GNG7: variants seen among roughly 807,000 people sequenced by gnomAD.
GNG7 encodes the protein G protein subunit gamma 7, also known as guanine nucleotide-binding protein G(I)/G(S)/G(O) subunit gamma-7.
In GNG7, 1 loss-of-function variant was observed where a neutral mutation model predicts 4.0. The ratio of observed to expected loss-of-function variants is 0.25; its 90% CI spans 0.09 to 1.18. GNG7 has a LOEUF of 1.18. Among genes scored for constraint, GNG7 ranks in the 50% most tolerant of loss-of-function variants. The pLI is 0.50. For missense variants in GNG7, 86 were observed against 91.9 expected (o/e 0.94, Z 0.26); for synonymous variants, 34 against 36.9 (o/e 0.92, Z 0.29).
chr19:2,672,014 G>A (rs1280641262), intron 1 of GNG7, among the ~76,000 whole-genome samples: 2 of 120,758 alleles, frequency 1.7e-5, no homozygotes, highest in Non-Finnish European at 3.2e-5. Context: ...TTGCGTCACT[G>A]CCCTCCAGCC....
chr19:2,591,917 T>A (rs1980860647), intron 2 of GNG7, among the ~76,000 whole-genome samples: 1 of 152,200 alleles, frequency 6.6e-6, no homozygotes, highest in Non-Finnish European at 1.5e-5. Context: ...TGGCAAAACT[T>A]TTAAATTCAG....
In GNG7 at chr19:2,521,342, C is replaced by G. The variant is rs1252558932; in HGVS notation, c.-37-617G>C. On this transcript the variant is annotated intron_variant, in intron 3 of 4. Transcript: ENST00000382159. ...CCCTCTGGAGAAGGGAGGACCCACG[C>G]AGGCTCCCGGGTGGCCTGCCTCAGT... 2.6e-5 allele frequency among the ~76,000 whole-genome samples: 4 copies of G among 152,168 alleles called. No individual in the cohort carries two copies. The East Asian group carries it at 7.7e-4, about 29-fold the overall frequency.
chr19:2,575,077 T>C lies in GNG7; in HGVS notation c.-77-19889A>G, dbSNP rs114627328. Among the ~76,000 whole-genome samples the C allele has an allele frequency of 1.5e-3, 218 of 146,186 alleles. 1 individual carries two copies. Among genetic ancestry groups the C allele is most frequent in the African/African-American group, 5.6e-3 (208 of 37,138 alleles). ...TTTCTTTTTTCTTTTTCTTTCCTTT[T>C]TTTCTTTCTTTCTTTTTTTTTTTTT... On this transcript the variant is annotated intron_variant, in intron 2 of 4. Coordinates refer to ENST00000382159, the MANE Select transcript of GNG7 (RefSeq NM_052847.3).
chr19:2,570,970 G>GT (rs897190699), intron 2 of GNG7, among the ~76,000 whole-genome samples: 1 of 111,130 alleles, frequency 9.0e-6, no homozygotes, highest in African/African-American at 6.2e-5. Flanking sequence ...GCTAATGTTT[G>GT]TATTTTTTTT....
rs1163547843 is a variant in GNG7 at position 2,644,377 on chromosome 19, ATAT to A, written c.-78+1844_-78+1846del. On this transcript the variant is annotated intron_variant, in intron 2 of 4. Transcript: ENST00000382159. ...TATATATATATATATATATATATAT[ATAT>A]AATGCTCTATCTATACATGCATCAT... is the stretch of plus-strand genomic sequence containing the variant. 2.7e-4 allele frequency among the ~76,000 whole-genome samples: 34 copies of A among 128,160 alleles called. 1 individual carries two copies. The highest frequency in any genetic ancestry group is 1.9e-3 in the South Asian group (8 of 4,228). 84.1% of individuals were successfully genotyped at this position (128,160 alleles called of 152,430 possible).
chr19:2,512,385 C>A lies in GNG7; in HGVS notation c.*2637G>T, dbSNP rs1045893752. On this transcript the variant is annotated 3_prime_UTR_variant, in exon 5 of 5. Transcript: ENST00000382159. This position sits in a 1 kb window ranked among gnomAD's most constrained non-coding sequence, Gnocchi z 4.7. ...AAAAGTGGAGAATTTTTTTTTTAATCCCCCAAGCTAGAAAGAAACCCACAG... is the reference window on the plus strand; with the variant it reads ...AAAAGTGGAGAATTTTTTTTTTAATACCCCAAGCTAGAAAGAAACCCACAG... 7 of 983,924 alleles carry A rather than the reference C, an allele frequency of 7.1e-6. No individual in the cohort carries two copies. Among genetic ancestry groups the A allele is most frequent in the South Asian group, 4.7e-5 (1 of 21,264 alleles). The allele number at this position is 983,924 out of a possible 1,614,324, so 60.9% of individuals were successfully genotyped here. A position where few individuals can be genotyped will look rare whatever the true frequency, so the allele number is the denominator to read the frequency against.
At chr19:2,666,892 A>G (rs1335543186) in intron 1 of GNG7, among the ~76,000 whole-genome samples, 3 of 152,228 alleles carry the variant, frequency 2.0e-5, no homozygotes, top group East Asian at 1.9e-4. Flanking sequence ...GCACCATTTC[A>G]GCAACTAAAT....
At chr19:2,684,489 G>A (rs1395426479) in intron 1 of GNG7, among the ~76,000 whole-genome samples, 1 of 151,972 alleles carries the variant, frequency 6.6e-6, no homozygotes, top group Non-Finnish European at 1.5e-5. Context: ...AGTGACCCTG[G>A]ACGGATGCAC....
intron 1 of GNG7, among the ~76,000 whole-genome samples, chr19:2,680,310 T>C (rs8105793): frequency 0.32 from 49,223 of 151,540 alleles, 9,274 homozygotes; most frequent in East Asian, 0.56. Flanking sequence ...CCACCATGCC[T>C]GGCCAATTTT....
intron 2 of GNG7, among the ~76,000 whole-genome samples, chr19:2,559,860 G>A (rs1979687560): frequency 6.6e-6 from 1 of 150,750 alleles, no homozygotes; most frequent in Non-Finnish European, 1.5e-5. Context: ...GTTGAATAGG[G>A]CAGCTGCTCT....
At chr19:2,616,633 G>A (rs981126208) in intron 2 of GNG7, among the ~76,000 whole-genome samples, 10 of 151,884 alleles carry the variant, frequency 6.6e-5, no homozygotes, top group South Asian at 2.1e-4. Context: ...AAAATTAGCC[G>A]GGCATGGTGG....
chr19:2,665,117 G>A lies in GNG7; in HGVS notation c.-134-18837C>T, dbSNP rs183019917. ...GAGCTGGGGTCCCCTGGTTTACACCGTCTGCCCCATCAGGAGTGTGTCCTG... is the reference window on the plus strand; with the variant it reads ...GAGCTGGGGTCCCCTGGTTTACACCATCTGCCCCATCAGGAGTGTGTCCTG... On this transcript the variant is annotated intron_variant, in intron 1 of 4. Coordinates refer to ENST00000382159, the MANE Select transcript of GNG7 (RefSeq NM_052847.3). Among the ~76,000 whole-genome samples the A allele has an allele frequency of 2.7e-3, 404 of 152,306 alleles. 2 individuals are homozygous for A. Among genetic ancestry groups the A allele is most frequent in the Non-Finnish European group, 4.2e-3 (284 of 68,024 alleles).
At chr19:2,691,141 A>C (rs1180387621) in intron 1 of GNG7, among the ~76,000 whole-genome samples, 1 of 152,180 alleles carries the variant, frequency 6.6e-6, no homozygotes, top group African/African-American at 2.4e-5. Context: ...TTCTGTTCTT[A>C]CCGCTCGATT....
chr19:2,696,379 AAGGG>A (rs1173491631), intron 1 of GNG7, among the ~76,000 whole-genome samples: 6 of 151,860 alleles, frequency 4.0e-5, no homozygotes, highest in African/African-American at 1.4e-4. Flanking sequence ...AAAGGAAAGG[AAGGG>A]AAGAAAGAAA....
intron 3 of GNG7, among the ~76,000 whole-genome samples, chr19:2,527,774 AC>A (rs59937877): frequency 0.016 from 1,946 of 124,446 alleles, 15 homozygotes; most frequent in African/African-American, 0.025. Context: ...TTGCCAGGAA[AC>A]CCCCCCCCCC....
At chr19:2,565,519 A>AAAC (rs1979877084) in intron 2 of GNG7, among the ~76,000 whole-genome samples, 1 of 144,346 alleles carries the variant, frequency 6.9e-6, no homozygotes, top group African/African-American at 2.5e-5. Context: ...CTCAAAAAAA[A>AAAC]AAAAACAAAA....
rs35730496 is a variant in GNG7 at position 2,534,482 on chromosome 19, C to G, written c.-37-13757G>C. On this transcript the variant is annotated intron_variant, in intron 3 of 4. Coordinates refer to ENST00000382159, the MANE Select transcript of GNG7 (RefSeq NM_052847.3). ...ACTGCTAGGAATTCTTCCCCCAGCT[C>G]CAATCCCATCAAAGAACTGCCTTCT... Among the ~76,000 whole-genome samples the G allele has an allele frequency of 2.4e-4, 37 of 152,346 alleles. No individual in the cohort carries two copies. In the East Asian group the frequency reaches 6.9e-3, roughly 29 times the overall value.
At chr19:2,530,098 C>G (rs1234812403) in intron 3 of GNG7, among the ~76,000 whole-genome samples, 1 of 152,246 alleles carries the variant, frequency 6.6e-6, no homozygotes, top group East Asian at 1.9e-4. Flanking sequence ...CAAACCCACT[C>G]TCTTGCTGAG....
At chr19:2,555,311 T>C (rs1979509905) in intron 2 of GNG7, 123 bp from the exon 3 acceptor site, 1 of 151,438 alleles carries the variant, frequency 6.6e-6, no homozygotes, top group Non-Finnish European at 1.5e-5. Context: ...AAATGAGGCA[T>C]GGGAATTCGA....
Sources: allele counts gnomAD v4.1 joint callset (sites outside exome capture counted in the v4.1 genomes callset), GRCh38; gene constraint gnomAD v4.1.1; non-coding constraint Gnocchi (gnomAD v3.1); transcripts MANE v1.5; gene names NCBI Gene and HGNC (gene_info 2026-07-23, HGNC 2026-07-21).